Variants in CERS6 observed in about 807,000 individuals in gnomAD.
CERS6 encodes the protein LAG1 homolog, ceramide synthase 6.
Under a neutral mutation model 56.8 loss-of-function variants are expected in CERS6, and 26 were observed. The observed-to-expected ratio is 0.46, with a 90% CI of 0.34 to 0.63. CERS6 has a LOEUF of 0.63. Ranked by LOEUF, CERS6 falls within the 30% of genes least tolerant of loss-of-function variation. CERS6 has a pLI of 0.01. For synonymous variants in CERS6, 164 were observed against 173.3 expected, an observed-to-expected ratio of 0.95 and a Z score of 0.42; for missense variants, 415 against 467.5, an observed-to-expected ratio of 0.89 and a Z score of 1.04.
chr2:168,676,504 T>C (rs1686064146), intron 4 of CERS6, among the ~76,000 whole-genome samples: 1 of 152,258 alleles, frequency 6.6e-6, no homozygotes, highest in Non-Finnish European at 1.5e-5. Context: ...TAGTGGACTA[T>C]ACATGTTTTC....
intron 1 of CERS6, among the ~76,000 whole-genome samples, chr2:168,477,359 C>T (rs1172909959): frequency 6.6e-6 from 1 of 152,144 alleles, no homozygotes; most frequent in East Asian, 1.9e-4. Flanking sequence ...CAGTCCATAG[C>T]CATGTGTCTC....
At chr2:168,529,100 C>T (rs899737748) in intron 1 of CERS6, among the ~76,000 whole-genome samples, 2 of 152,226 alleles carry the variant, frequency 1.3e-5, no homozygotes, top group South Asian at 2.1e-4. Flanking sequence ...CATGTGCTGT[C>T]TCATTCAACT....
chr2:168,612,047 A>C (rs1684201746), intron 3 of CERS6, among the ~76,000 whole-genome samples: 2 of 152,224 alleles, frequency 1.3e-5, no homozygotes, highest in Admixed American at 6.5e-5. Flanking sequence ...AATGATAGTT[A>C]AGAGTTATGG....
At chr2:168,567,010 G>C (rs1303298839) in intron 3 of CERS6, among the ~76,000 whole-genome samples, 2 of 152,128 alleles carry the variant, frequency 1.3e-5, no homozygotes, top group Non-Finnish European at 2.9e-5. Flanking sequence ...TTATCTTCTA[G>C]AGAAATGGCA....
intron 3 of CERS6, among the ~76,000 whole-genome samples, chr2:168,584,792 A>ATT (rs1404322081): frequency 6.6e-6 from 1 of 152,224 alleles, no homozygotes; most frequent in Non-Finnish European, 1.5e-5. Context: ...ACAAACAAAA[A>ATT]TGGCTGCAAG....
intron 4 of CERS6, among the ~76,000 whole-genome samples, chr2:168,685,119 G>A (rs1359602522): frequency 6.6e-6 from 1 of 152,184 alleles, no homozygotes; most frequent in Non-Finnish European, 1.5e-5. Context: ...AGTTGCATCA[G>A]CTGGGCTTTG....
In CERS6 at chr2:168,713,882, T is replaced by C. The variant is rs1687160568; in HGVS notation, c.610-1119T>C. On this transcript the variant is annotated intron_variant, in intron 6 of 9. Coordinates refer to ENST00000305747, the MANE Select transcript of CERS6 (RefSeq NM_203463.3). ...CAGGCGTATTCTGGGAGAAGGATGC[T>C]AACACCGAGATGCACATTCCAAGAA... Among the ~76,000 whole-genome samples the C allele has an allele frequency of 2.0e-5, 3 of 152,096 alleles. No homozygotes were observed. In the South Asian group the frequency reaches 6.3e-4, roughly 32 times the overall value.
chr2:168,746,052 C>A (rs11904804), intron 8 of CERS6, among the ~76,000 whole-genome samples: 96,353 of 152,092 alleles, frequency 0.63, 31,166 homozygotes, highest in African/African-American at 0.76. Flanking sequence ...CCCAGATTCA[C>A]GTTGCCAGAG....
chr2:168,665,526 G>A (rs1441448230), intron 4 of CERS6, among the ~76,000 whole-genome samples: 1 of 152,100 alleles, frequency 6.6e-6, no homozygotes, highest in Non-Finnish European at 1.5e-5. Flanking sequence ...AACAGATGAG[G>A]AAATACTCCC....
intron 4 of CERS6, among the ~76,000 whole-genome samples, chr2:168,638,239 C>T (rs1184834863): frequency 6.6e-6 from 1 of 152,056 alleles, no homozygotes; most frequent in Non-Finnish European, 1.5e-5. Flanking sequence ...TATAGAAATT[C>T]CTTTTTACAC....
chr2:168,651,807 A>G (rs1043948133), intron 4 of CERS6, among the ~76,000 whole-genome samples: 2 of 152,170 alleles, frequency 1.3e-5, no homozygotes, highest in Admixed American at 1.3e-4. Context: ...CCATATCAGT[A>G]ACTTTAATCT....
intron 3 of CERS6, among the ~76,000 whole-genome samples, chr2:168,593,786 A>G (rs879609413): frequency 2.6e-5 from 4 of 152,210 alleles, no homozygotes; most frequent in Non-Finnish European, 5.9e-5. Flanking sequence ...TCCTAGAATA[A>G]CCTGTATTTA....
chr2:168,540,237 T>C (rs2105368157), intron 1 of CERS6, among the ~76,000 whole-genome samples: 1 of 152,244 alleles, frequency 6.6e-6, no homozygotes, highest in East Asian at 1.9e-4. Flanking sequence ...TGGAGGGGAC[T>C]CTACATATAC....
intron 1 of CERS6, among the ~76,000 whole-genome samples, chr2:168,468,713 A>C (rs1693926216): frequency 6.6e-6 from 1 of 152,222 alleles, no homozygotes; most frequent in African/African-American, 2.4e-5. Flanking sequence ...TCTTTCCTGC[A>C]TAGATCCCCA....
intron 1 of CERS6, among the ~76,000 whole-genome samples, chr2:168,482,611 A>G (rs902068511): frequency 6.6e-5 from 10 of 152,258 alleles, no homozygotes; most frequent in African/African-American, 2.4e-4. Context: ...TCAGGCATCT[A>G]TCTGGAAGGA....
intron 3 of CERS6, among the ~76,000 whole-genome samples, chr2:168,613,709 C>T (rs1356032921): frequency 6.6e-6 from 1 of 152,172 alleles, no homozygotes; most frequent in Non-Finnish European, 1.5e-5. Flanking sequence ...CTCATGTTCA[C>T]CCATTGTTTC....
rs188602715 is a variant in CERS6, at chr2:168,769,936, A to G, written c.*274A>G. On this transcript the variant is annotated 3_prime_UTR_variant, in exon 10 of 10. Transcript: ENST00000305747. ...ATATTATTTATTTTTTTGTATTTGT[A>G]AATCTGTGGACAAAAGAGGGTTTCC... 8.7e-5 allele frequency: 30 copies of G among 346,238 alleles called. No individual in the cohort carries two copies. The highest frequency in any genetic ancestry group is 5.8e-4 in the African/African-American group (26 of 44,848). The allele number at this position is 346,238 out of a possible 1,614,324, so 21.4% of individuals were successfully genotyped here. A position where few individuals can be genotyped will look rare whatever the true frequency, so the allele number is the denominator to read the frequency against.
In CERS6 at chr2:168,573,161, C is replaced by T. The variant is rs571659348; in HGVS notation, c.407+11839C>T. Among the ~76,000 whole-genome samples, 16 of 152,170 alleles carry T rather than the reference C, an allele frequency of 1.1e-4. No homozygotes were observed. In the South Asian group the frequency reaches 3.3e-3, roughly 32 times the overall value. On this transcript the variant is annotated intron_variant, in intron 3 of 9. Transcript: ENST00000305747. ...ACCACAAAAGAACATACTCATGTAC[C>T]CAGACACCACCTGTACCCCAGTAAC...
At chr2:168,638,343 T>C (rs992311468) in intron 4 of CERS6, among the ~76,000 whole-genome samples, 15 of 152,156 alleles carry the variant, frequency 9.9e-5, no homozygotes, top group Non-Finnish European at 7.4e-5. Context: ...TATATACTAT[T>C]CACATTAAGA....
Sources: allele counts gnomAD v4.1 joint callset (sites outside exome capture counted in the v4.1 genomes callset), GRCh38; gene constraint gnomAD v4.1.1; transcripts MANE v1.5; gene names NCBI Gene and HGNC (gene_info 2026-07-23, HGNC 2026-07-21).